Variants in NRXN3 observed in about 807,000 individuals in gnomAD.
NRXN3 encodes the protein neurexin III.
A neutral mutation model predicts 137.6 loss-of-function variants in NRXN3; 32 were observed. The ratio of observed to expected loss-of-function variants is 0.23; its 90% confidence interval spans 0.18 to 0.31. NRXN3 has a LOEUF of 0.31. Among genes scored for constraint, NRXN3 ranks in the 10% least tolerant of loss-of-function variants. The pLI is 1.00. For synonymous variants in NRXN3, 798 were observed against 784.5 expected, an observed-to-expected ratio of 1.02 and a Z score of -0.29; for missense variants, 1,574 against 2,062.5, an observed-to-expected ratio of 0.76 and a Z score of 4.59.
chr14:78,280,947 C>A lies in NRXN3; in HGVS notation c.727+2285C>A, dbSNP rs901789501. ...CATTTCAGTGTTGAGGAAGTTGGGG[C>A]CCAGGGAAGTTAAATGATGTGTGAC... On this transcript the variant is annotated intron_variant, in intron 3 of 20. Transcript: ENST00000335750. Among the ~76,000 whole-genome samples, 3 of 152,194 alleles carry A rather than the reference C, an allele frequency of 2.0e-5. No individual in the cohort carries two copies. In the East Asian group the frequency reaches 5.8e-4, roughly 29 times the overall value.
intron 4 of NRXN3, among the ~76,000 whole-genome samples, chr14:78,302,299 G>C (rs1210317606): frequency 1.3e-5 from 2 of 152,086 alleles, no homozygotes; most frequent in Non-Finnish European, 2.9e-5. Context: ...ACCACTACTA[G>C]AAGCTGCTGA....
intron 20 of NRXN3, among the ~76,000 whole-genome samples, chr14:79,831,053 C>T (rs546202087): frequency 5.8e-5 from 8 of 138,058 alleles, no homozygotes; most frequent in East Asian, 2.3e-4. Context: ...CTTTAAAGAT[C>T]GACAGTCCTA....
chr14:78,341,224 T>G (rs2082112832), intron 4 of NRXN3, among the ~76,000 whole-genome samples: 1 of 152,040 alleles, frequency 6.6e-6, no homozygotes, highest in Non-Finnish European at 1.5e-5. Context: ...GTCCAAGACA[T>G]GGGTAATTTG....
chr14:78,763,740 G>A (rs897118374), intron 8 of NRXN3, among the ~76,000 whole-genome samples: 14 of 152,156 alleles, frequency 9.2e-5, no homozygotes, highest in Non-Finnish European at 1.5e-4. Flanking sequence ...CTAGAGAGAG[G>A]TGCAGCTTTC....
intron 15 of NRXN3, among the ~76,000 whole-genome samples, chr14:79,342,397 T>G: frequency 6.6e-6 from 1 of 152,190 alleles, no homozygotes; most frequent in Admixed American, 6.5e-5. Context: ...TACATTATTT[T>G]ACTTTATGAC....
At chr14:78,739,276 T>G (rs10151731) in intron 8 of NRXN3, among the ~76,000 whole-genome samples, 39,122 of 152,200 alleles carry the variant, frequency 0.26, 6,828 homozygotes, top group African/African-American at 0.5. Context: ...AATGCCGCTA[T>G]GGAATATAGT....
chr14:78,281,262 C>T (rs756093660), intron 3 of NRXN3, among the ~76,000 whole-genome samples: 202 of 152,294 alleles, frequency 1.3e-3, no homozygotes, highest in Non-Finnish European at 2.3e-3. Flanking sequence ...GAGCCGACAG[C>T]GCTGTGGTTC....
At chr14:78,613,847 C>T (rs1259465620) in intron 4 of NRXN3, among the ~76,000 whole-genome samples, 1 of 152,124 alleles carries the variant, frequency 6.6e-6, no homozygotes, top group Non-Finnish European at 1.5e-5. Context: ...CTCAAGAGAA[C>T]TTAAGAAAAC....
intron 6 of NRXN3, among the ~76,000 whole-genome samples, chr14:78,697,219 T>C (rs1374956812): frequency 3.3e-5 from 5 of 152,188 alleles, no homozygotes; most frequent in African/African-American, 7.2e-5. Context: ...CTAGAAGTGA[T>C]AATGAATTTG....
intron 19 of NRXN3, among the ~76,000 whole-genome samples, chr14:79,768,418 G>A (rs895843014): frequency 2.6e-5 from 4 of 152,182 alleles, no homozygotes; most frequent in Non-Finnish European, 5.9e-5. Context: ...GCACGCAGCT[G>A]GAGATCTGAG....
intron 10 of NRXN3, among the ~76,000 whole-genome samples, chr14:78,878,824 C>T (rs543382976): frequency 4.2e-4 from 64 of 152,112 alleles, no homozygotes; most frequent in African/African-American, 1.5e-3. Flanking sequence ...GAATTTTGTA[C>T]CCTTTGGTCA....
chr14:78,926,047 G>C (rs1266146400), intron 10 of NRXN3, among the ~76,000 whole-genome samples: 1 of 152,050 alleles, frequency 6.6e-6, no homozygotes, highest in Non-Finnish European at 1.5e-5. Context: ...AAACTCCCAA[G>C]ACCACAGAAT....
At chr14:79,171,408 A>C (rs1039976319) in intron 15 of NRXN3, among the ~76,000 whole-genome samples, 1 of 152,122 alleles carries the variant, frequency 6.6e-6, no homozygotes, top group African/African-American at 2.4e-5. Context: ...GTGCCCAGAA[A>C]TCTTCCTAGT....
intron 14 of NRXN3, among the ~76,000 whole-genome samples, chr14:78,973,616 C>T (rs1191773240): frequency 6.6e-6 from 1 of 152,032 alleles, no homozygotes; most frequent in Admixed American, 6.6e-5. Context: ...TATAAAATAC[C>T]ACATGTGAGA....
At chr14:78,991,536 G>T (rs1298355641) in intron 15 of NRXN3, among the ~76,000 whole-genome samples, 1 of 152,154 alleles carries the variant, frequency 6.6e-6, no homozygotes, top group African/African-American at 2.4e-5. Flanking sequence ...GCAACAGATT[G>T]ATCCTCAATT....
chr14:78,888,243 G>A (rs2099149147), intron 10 of NRXN3, among the ~76,000 whole-genome samples: 1 of 152,036 alleles, frequency 6.6e-6, no homozygotes, highest in South Asian at 2.1e-4. Context: ...CATGACAGAT[G>A]TAGGAAGTCC....
At chr14:79,052,870 T>C (rs900397028) in intron 15 of NRXN3, among the ~76,000 whole-genome samples, 1 of 152,200 alleles carries the variant, frequency 6.6e-6, no homozygotes, top group Non-Finnish European at 1.5e-5. Context: ...TGATGTCACT[T>C]GTTTGGTGTG....
chr14:78,920,994 A>G (rs2099269503), intron 10 of NRXN3, among the ~76,000 whole-genome samples: 2 of 152,190 alleles, frequency 1.3e-5, no homozygotes, highest in African/African-American at 2.4e-5. Flanking sequence ...TACATTGCCC[A>G]TTGGTGATTG....
chr14:78,221,392 G>T (rs2063834320), intron 1 of NRXN3, among the ~76,000 whole-genome samples: 1 of 152,174 alleles, frequency 6.6e-6, no homozygotes, highest in Admixed American at 6.5e-5. Flanking sequence ...AAGGGTACAG[G>T]TTACTGGAGC....
Sources: gnomAD v4.1 joint callset for allele counts (sites outside exome capture counted in the v4.1 genomes callset) on GRCh38, gnomAD v4.1.1 for gene constraint, MANE v1.5 for transcripts, NCBI Gene and HGNC (gene_info 2026-07-23, HGNC 2026-07-21) for gene names.